Variants in DSCAML1 observed in about 807,000 individuals in gnomAD.
DSCAML1 encodes the protein cell adhesion molecule DSCAML1.
DSCAML1 carries 38 observed loss-of-function variants against 200.5 expected under a neutral mutation model. The ratio of observed to expected loss-of-function variants is 0.19; its 90% CI spans 0.15 to 0.25. The LOEUF (loss-of-function observed/expected upper bound fraction) is 0.25, where lower values mean the gene tolerates loss of function less well. Among genes scored for constraint, DSCAML1 ranks in the 10% least tolerant of loss-of-function variants. DSCAML1 has a pLI of 1.00. For missense variants in DSCAML1, 2,223 were observed against 2,858.8 expected (o/e 0.78, Z 5.07); for synonymous variants, 1,215 against 1,165.0 (o/e 1.04, Z -0.87).
chr11:117,790,831 T>C lies in DSCAML1; in HGVS notation c.46+6203A>G, dbSNP rs1591514578. On this transcript the variant is annotated intron_variant, in intron 1 of 32. Transcript: ENST00000651296. ...GTAAGACAGGCTGAGCTTTGTTTTTTAGGTCCATGGATAATGTTCTTTCCA... is the reference window on the plus strand; with the variant it reads ...GTAAGACAGGCTGAGCTTTGTTTTTCAGGTCCATGGATAATGTTCTTTCCA... 4.6e-5 allele frequency among the ~76,000 whole-genome samples: 7 copies of C among 152,372 alleles called. No individual in the cohort carries two copies. In the South Asian group the frequency reaches 1.5e-3, roughly 32 times the overall value.
At chr11:117,644,293 G>T (rs2052475129) in intron 3 of DSCAML1, among the ~76,000 whole-genome samples, 1 of 152,234 alleles carries the variant, frequency 6.6e-6, no homozygotes, top group Admixed American at 6.5e-5. Context: ...AGAAGTCCCC[G>T]ACTCCAGCCC....
chr11:117,563,587 T>C (rs2050702783), intron 3 of DSCAML1, among the ~76,000 whole-genome samples: 1 of 152,208 alleles, frequency 6.6e-6, no homozygotes, highest in African/African-American at 2.4e-5. Context: ...GGTGTGTCTA[T>C]CATGTGTTTG....
In DSCAML1 at chr11:117,521,252, C is replaced by T. The variant is rs745820564; in HGVS notation, c.1091G>A (p.Arg364His). The T allele has an allele frequency of 2.3e-5, 37 of 1,614,050 alleles. No individual in the cohort carries two copies. Among genetic ancestry groups the T allele is most frequent in the South Asian group, 3.3e-5 (3 of 91,086 alleles). ...GAGCAGCGTCTCGTTGCTGAGCCCG[C>T]GGATGGAGATGGCCTCGTCAGGCAG... The part of the protein sequence containing the change: ...LVLPDEAISI[R>H]GLSNETLLIT... The change falls in exon 6 of 33, where the codon CGC becomes CAC. Residue 364 changes from arginine to histidine, a missense_variant. By Grantham distance (29) the Arg-to-His change is conservative. This residue lies in a region of DSCAML1 where 579 missense variants were observed against 721.5 expected (regional missense o/e 0.80). Transcript: ENST00000651296.
At chr11:117,491,616 A>C (rs149861300) in intron 11 of DSCAML1, among the ~76,000 whole-genome samples, 2,973 of 152,332 alleles carry the variant, frequency 0.02, 38 homozygotes, top group Middle Eastern at 0.054. Context: ...TCTACTAAAA[A>C]TACAAAAATT....
At chr11:117,547,062 G>A (rs2050386248) in intron 3 of DSCAML1, among the ~76,000 whole-genome samples, 1 of 151,972 alleles carries the variant, frequency 6.6e-6, no homozygotes, top group South Asian at 2.1e-4. Flanking sequence ...GCGAGGAGTG[G>A]GGAGAGGGAG....
At chr11:117,500,540 C>T (rs893914657) in intron 11 of DSCAML1, among the ~76,000 whole-genome samples, 10 of 85,044 alleles carry the variant, frequency 1.2e-4, no homozygotes, top group African/African-American at 2.0e-4. Flanking sequence ...CCAAACTTAC[C>T]GGGGAGGACA....
chr11:117,687,521 C>G (rs113801355), intron 3 of DSCAML1, among the ~76,000 whole-genome samples: 1 of 151,248 alleles, frequency 6.6e-6, no homozygotes, highest in Non-Finnish European at 1.5e-5. Context: ...CTGCCTCAGC[C>G]TCTGAAAGTT....
chr11:117,513,740 C>CAAA (rs58490526), intron 8 of DSCAML1, among the ~76,000 whole-genome samples: 1 of 77,784 alleles, frequency 1.3e-5, no homozygotes, highest in Non-Finnish European at 2.5e-5. Context: ...GACTCTATCT[C>CAAA]AAAAAAAAAA....
chr11:117,537,998 C>A (rs2050199435), intron 3 of DSCAML1, among the ~76,000 whole-genome samples: 1 of 152,206 alleles, frequency 6.6e-6, no homozygotes, highest in South Asian at 2.1e-4. Context: ...GGCCAGTCTT[C>A]TCTCAGACCC....
At chr11:117,534,237 A>C (rs1260442225) in intron 3 of DSCAML1, among the ~76,000 whole-genome samples, 1 of 152,222 alleles carries the variant, frequency 6.6e-6, no homozygotes, top group Non-Finnish European at 1.5e-5. Context: ...CAAGTCCAAG[A>C]TTCTCAGCAC....
rs148829010 is a variant in DSCAML1 at position 117,776,889 on chromosome 11, C to G, written c.413G>C (p.Arg138Pro). Residue 138 changes from arginine to proline, a missense_variant, in exon 3 of 33, where the codon CGT (arginine) becomes CCT (proline). Transcript: ENST00000651296. ...GCACTTGAAGACGGCCACGTTGCCA[C>G]GCATTGACCTTTGATCCTCCACCCG... Reference protein sequence around the residue: ...TVRVEDQRSMRGNVAVFKCLI... With the variant: ...TVRVEDQRSMPGNVAVFKCLI... 1.9e-6 allele frequency: 3 copies of G among 1,614,026 alleles called. No homozygotes were observed. Among genetic ancestry groups the G allele is most frequent in the Non-Finnish European group, 2.5e-6 (3 of 1,180,034 alleles).
chr11:117,663,146 C>A (rs142163756), intron 3 of DSCAML1, among the ~76,000 whole-genome samples: 1 of 152,246 alleles, frequency 6.6e-6, no homozygotes, highest in African/African-American at 2.4e-5. Context: ...ACTCTCAGAC[C>A]CATGGCATTG....
At chr11:117,475,790 C>A (rs1264100171) in intron 14 of DSCAML1, among the ~76,000 whole-genome samples, 1 of 151,502 alleles carries the variant, frequency 6.6e-6, no homozygotes, top group Non-Finnish European at 1.5e-5. Context: ...AGAACAACTC[C>A]TTTTTTTCTT....
At chr11:117,614,732 G>A (rs752786123) in intron 3 of DSCAML1, among the ~76,000 whole-genome samples, 6 of 152,224 alleles carry the variant, frequency 3.9e-5, no homozygotes, top group East Asian at 1.9e-4. Context: ...AGTGCCCAAC[G>A]CAGTCTGACT....
rs2049478961 is a variant in DSCAML1 at position 117,505,538 on chromosome 11, A to T, written c.1978T>A (p.Ser660Thr). Reference sequence around the variant, plus strand: ...GTATAGTTGCCGTTGTGCTTGAGGGAGACGCTAGAGATCTGCAGGGAGCTC... The same window carrying T: ...GTATAGTTGCCGTTGTGCTTGAGGGTGACGCTAGAGATCTGCAGGGAGCTC... ...FMSSLQISSV[S>T]LKHNGNYTCI... Residue 660 changes from serine (S) to threonine (T), a missense_variant, in exon 9 of 33, where the codon TCC becomes ACC. Physicochemically the swap from Ser to Thr is moderately conservative, Grantham distance 58. Transcript: ENST00000651296. The surrounding 1 kb of genome is among the most constrained non-coding windows in gnomAD (Gnocchi z 6.7). 1 of 1,613,184 alleles carries T rather than the reference A, an allele frequency of 6.2e-7. No individual in the cohort carries two copies. The highest frequency in any genetic ancestry group is 1.3e-5 in the African/African-American group (1 of 74,766).
upstream of DSCAML1, chr11:117,797,217 G>A: frequency 6.7e-7 from 1 of 1,489,720 alleles, no homozygotes; most frequent in Non-Finnish European, 8.9e-7. Context: ...GCGCTCGGCT[G>A]CGGCGGCGGC....
chr11:117,542,884 G>A (rs145899993), intron 3 of DSCAML1, among the ~76,000 whole-genome samples: 123 of 152,308 alleles, frequency 8.1e-4, no homozygotes, highest in African/African-American at 2.9e-3. Context: ...CACAAATTCA[G>A]AGCTGTTTCC....
intron 32 of DSCAML1, among the ~76,000 whole-genome samples, chr11:117,430,376 C>T (rs1389391200): frequency 1.3e-5 from 2 of 152,196 alleles, no homozygotes; most frequent in South Asian, 2.1e-4. Context: ...TGCTCACTAC[C>T]GAATGAATGA....
At chr11:117,500,122 G>A (rs897748505) in intron 11 of DSCAML1, among the ~76,000 whole-genome samples, 8 of 152,180 alleles carry the variant, frequency 5.3e-5, no homozygotes, top group African/African-American at 1.4e-4. Flanking sequence ...CCCTGGAAGG[G>A]CGTGAACTTC....
Sources: allele counts gnomAD v4.1 joint callset (sites outside exome capture counted in the v4.1 genomes callset), GRCh38; gene constraint gnomAD v4.1.1; regional missense constraint gnomAD v4.1.1; non-coding constraint Gnocchi (gnomAD v3.1); transcripts MANE v1.5; gene names NCBI Gene and HGNC (gene_info 2026-07-23, HGNC 2026-07-21).